Variants in ROBO1 observed in about 807,000 individuals in gnomAD.
ROBO1 encodes roundabout homolog 1.
ROBO1 carries 149 observed loss-of-function variants against 195.9 expected under a neutral mutation model. The ratio of observed to expected loss-of-function variants is 0.76; its 90% CI spans 0.67 to 0.87. ROBO1 has a LOEUF of 0.87. Ranked by LOEUF, ROBO1 falls within the 40% of genes least tolerant of loss-of-function variation. The probability of loss-of-function intolerance (pLI) is 0.00; values close to 1 mark genes in which losing one functional copy is unlikely to be tolerated. For synonymous variants in ROBO1, 816 were observed against 733.2 expected (o/e 1.11, Z -1.82); for missense variants, 1,933 against 2,068.3 (o/e 0.93, Z 1.27).
intron 2 of ROBO1, among the ~76,000 whole-genome samples, chr3:79,159,332 A>G (rs79781901): frequency 0.054 from 8,190 of 152,102 alleles, 289 homozygotes; most frequent in Middle Eastern, 0.099. Context: ...AATCATTCTT[A>G]TAATACTAAT....
At position 79,367,575 on chromosome 3, in the gene ROBO1, C is replaced by A. The variant is rs535852822; in HGVS notation, c.88+222249G>T. ...ATCGTTCGTTAAAATGTGTTTCAGA[C>A]AGTCATTCAACCTTTCAACCTCTTG... On this transcript the variant is annotated intron_variant, in intron 2 of 30. Transcript: ENST00000464233. Among the ~76,000 whole-genome samples the A allele has an allele frequency of 3.3e-5, 5 of 152,286 alleles. No individual in the cohort carries two copies. The East Asian group carries it at 9.7e-4, about 29-fold the overall frequency.
In ROBO1 at chr3:79,413,364, G is replaced by A. The variant is rs140946380; in HGVS notation, c.88+176460C>T. Among the ~76,000 whole-genome samples, 475 of 152,000 alleles carry A rather than the reference G, an allele frequency of 3.1e-3. 3 individuals carry two copies. Among genetic ancestry groups the A allele is most frequent in the African/African-American group, 0.011 (438 of 41,484 alleles). On this transcript the variant is annotated intron_variant, in intron 2 of 30. Coordinates refer to ENST00000464233, the MANE Select transcript of ROBO1 (RefSeq NM_002941.4). Reference sequence around the variant, plus strand: ...AGGGATAGGAGGAGATTGTGGCCAGGTGCAGAGAAAAGTTCTGTGAAAAGA... The same window carrying A: ...AGGGATAGGAGGAGATTGTGGCCAGATGCAGAGAAAAGTTCTGTGAAAAGA...
chr3:79,540,182 A>G (rs1407114809), intron 2 of ROBO1, among the ~76,000 whole-genome samples: 1 of 152,088 alleles, frequency 6.6e-6, no homozygotes, highest in African/African-American at 2.4e-5. Context: ...AAAAGTTCCT[A>G]TCTTACATTT....
chr3:79,053,447 T>A (rs1444517108), intron 3 of ROBO1, among the ~76,000 whole-genome samples: 4 of 151,916 alleles, frequency 2.6e-5, no homozygotes, highest in Non-Finnish European at 5.9e-5. Context: ...TATATGCTAA[T>A]TCTTCTCTCT....
intron 1 of ROBO1, among the ~76,000 whole-genome samples, chr3:79,639,473 A>G (rs532680573): frequency 8.5e-5 from 13 of 152,286 alleles, no homozygotes; most frequent in Admixed American, 5.9e-4. Flanking sequence ...ATTTTATACT[A>G]AATACAACCA....
At chr3:79,598,298 GTT>G (rs1262867341) in intron 1 of ROBO1, among the ~76,000 whole-genome samples, 1 of 151,940 alleles carries the variant, frequency 6.6e-6, no homozygotes, top group African/African-American at 2.4e-5. Flanking sequence ...GAAAAACTAA[GTT>G]ACCTGAAGCA....
chr3:79,077,754 C>A (rs2079199028), intron 3 of ROBO1, among the ~76,000 whole-genome samples: 1 of 151,660 alleles, frequency 6.6e-6, no homozygotes, highest in African/African-American at 2.4e-5. Flanking sequence ...TTTGGAGAGT[C>A]CAAAAAGTCA....
At chr3:79,155,660 C>T (rs2080846236) in intron 2 of ROBO1, among the ~76,000 whole-genome samples, 1 of 151,584 alleles carries the variant, frequency 6.6e-6, no homozygotes, top group African/African-American at 2.4e-5. Context: ...TTATTCCTAA[C>T]AGTACCCTAA....
At chr3:79,204,372 T>C (rs528329694) in intron 2 of ROBO1, among the ~76,000 whole-genome samples, 1 of 152,160 alleles carries the variant, frequency 6.6e-6, no homozygotes, top group South Asian at 2.1e-4. Flanking sequence ...GCTGTATGAG[T>C]ATCTAGTGTG....
rs752249344 is a variant in ROBO1, at chr3:78,634,014, TGGA to T, written c.3399_3401del (p.Pro1134del). On this transcript the variant is annotated inframe_deletion, in exon 24 of 31. Coordinates refer to ENST00000464233, the MANE Select transcript of ROBO1 (RefSeq NM_002941.4). ...CGTATGATTGGTTGTATGGGATAGT[TGGA>T]GGAACTGTGTCATTTGCTCGATAAT... 54 of 1,611,444 alleles carry T rather than the reference TGGA, an allele frequency of 3.4e-5. No individual in the cohort carries two copies. The African/African-American group carries it at 6.8e-4, about 20-fold the overall frequency.
chr3:78,639,865 C>A lies in ROBO1; in HGVS notation c.2916G>T (p.Ala972=), dbSNP rs376608893. ...GCCACGTGTCTGCCAGCCATGGCTG[C>A]GCGGCAGGTTCACTGATGTTGAGAA... ...PGLLNISEPA[A]QPWLADTWPN... Residue 972 remains alanine, a synonymous_variant, in exon 22 of 31, where the codon GCG becomes GCT. Transcript: ENST00000464233. 3.7e-6 allele frequency: 6 copies of A among 1,607,498 alleles called. No homozygotes were observed. Among genetic ancestry groups the A allele is most frequent in the South Asian group, 3.3e-5 (3 of 90,376 alleles).
Position 78,670,102 on chromosome 3 carries a change from A to G in ROBO1, c.1542T>C (p.Tyr514=), listed in dbSNP as rs754557669. 5.6e-6 allele frequency: 9 copies of G among 1,604,344 alleles called. No homozygotes were observed. In the Admixed American group the frequency reaches 1.0e-4, roughly 18 times the overall value. ...AGGTGCCATTCCAAGTTACCTTAGC[A>G]TATCGGATCTGCAGTACTCCATTCT... is the stretch of plus-strand genomic sequence containing the variant. The part of the protein sequence containing the change: ...QLENGVLQIR[Y]AKLGDTGRYT... The change falls in exon 11 of 31, where the codon TAT becomes TAC. Residue 514 remains tyrosine, a synonymous_variant. Transcript: ENST00000464233.
intron 4 of ROBO1, among the ~76,000 whole-genome samples, chr3:78,770,882 G>A (rs2083355539): frequency 6.6e-6 from 1 of 152,090 alleles, no homozygotes; most frequent in Non-Finnish European, 1.5e-5. Flanking sequence ...CTGGGCAACA[G>A]AGTAAGACCT....
intron 3 of ROBO1, among the ~76,000 whole-genome samples, chr3:78,961,085 C>T (rs1291734806): frequency 6.6e-6 from 1 of 152,144 alleles, no homozygotes; most frequent in Admixed American, 6.5e-5. Context: ...ATTTTAACTG[C>T]AATTTACAGA....
At chr3:79,021,496 C>G (rs1406039650) in intron 3 of ROBO1, among the ~76,000 whole-genome samples, 14 of 151,938 alleles carry the variant, frequency 9.2e-5, no homozygotes, top group Middle Eastern at 3.2e-3. Context: ...TGCATTGTTC[C>G]CCCAAATGGA....
intron 30 of ROBO1, 53 bp from the exon 31 acceptor site, chr3:78,598,980 GTTATA>G (rs1267047525): frequency 1.2e-4 from 143 of 1,147,776 alleles, no homozygotes; most frequent in Non-Finnish European, 3.7e-6. Flanking sequence ...AGAGGATTGT[GTTATA>G]TTTATTTATA....
chr3:78,930,172 G>C (rs1203456354), intron 4 of ROBO1, among the ~76,000 whole-genome samples: 1 of 152,172 alleles, frequency 6.6e-6, no homozygotes, highest in Non-Finnish European at 1.5e-5. Context: ...GTTGGGAAGT[G>C]AGTGAAAAAG....
intron 2 of ROBO1, among the ~76,000 whole-genome samples, chr3:79,513,726 A>T (rs901653713): frequency 6.6e-6 from 1 of 151,746 alleles, no homozygotes; most frequent in Admixed American, 6.6e-5. Context: ...AAAAAATCCC[A>T]TTCTTTGTGC....
intron 2 of ROBO1, among the ~76,000 whole-genome samples, chr3:79,366,085 A>G (rs1040410366): frequency 6.6e-6 from 1 of 152,036 alleles, no homozygotes; most frequent in African/African-American, 2.4e-5. Flanking sequence ...GCAGACCTGG[A>G]GTTCTTTACT....
Sources: allele counts gnomAD v4.1 joint callset (sites outside exome capture counted in the v4.1 genomes callset), GRCh38; gene constraint gnomAD v4.1.1; transcripts MANE v1.5; gene names NCBI Gene and HGNC (gene_info 2026-07-23, HGNC 2026-07-21).